The following RGPD2 variants were observed in gnomAD, a reference collection of about 807,000 sequenced individuals.
The protein encoded by RGPD2 is RANBP2-like and GRIP domain-containing protein 2.
In RGPD2, 2 loss-of-function variants were observed where a neutral mutation model predicts 36.0. The ratio of observed to expected loss-of-function variants is 0.06; its 90% confidence interval spans 0.02 to 0.17. The LOEUF is 0.17. Ranked by LOEUF, RGPD2 falls within the 10% of genes least tolerant of loss-of-function variation. The probability of loss-of-function intolerance (pLI) is 1.00; values close to 1 mark genes in which losing one functional copy is unlikely to be tolerated. For synonymous variants in RGPD2, 19 were observed against 163.8 expected (o/e 0.12, Z 6.75); for missense variants, 40 against 464.3 (o/e 0.09, Z 8.40).
At chr2:87,857,397 C>T in the RGPD2 span, among the ~76,000 whole-genome samples, 2 of 151,444 alleles carry the variant, frequency 1.3e-5, no homozygotes, top group Non-Finnish European at 2.9e-5. Flanking sequence ...GGCTGGGGTG[C>T]AGTGGTGCAA....
At chr2:87,847,438 T>G in the RGPD2 span, among the ~76,000 whole-genome samples, 1 of 151,814 alleles carries the variant, frequency 6.6e-6, no homozygotes, top group Non-Finnish European at 1.5e-5. Flanking sequence ...GATATTTCAG[T>G]GTAAAGTTGT....
At chr2:87,769,107 A>C (rs1449438019) in intron 22 of RGPD2, among the ~76,000 whole-genome samples, 4 of 90,790 alleles carry the variant, frequency 4.4e-5, no homozygotes, top group African/African-American at 1.6e-4. Flanking sequence ...AGCTGGGATT[A>C]CAGGCATGCA....
the RGPD2 span, among the ~76,000 whole-genome samples, chr2:87,986,379 C>T: frequency 0.61 from 87,993 of 143,780 alleles, 27,456 homozygotes; most frequent in East Asian, 0.82. Flanking sequence ...ATGATCCACC[C>T]GCCTTGGCCT....
chr2:87,890,223 CAA>C, the RGPD2 span, among the ~76,000 whole-genome samples: 1 of 108,908 alleles, frequency 9.2e-6, no homozygotes, highest in African/African-American at 4.5e-5. Flanking sequence ...ATACTTTTAA[CAA>C]TATATTTCAG....
chr2:87,864,332 T>C, the RGPD2 span, among the ~76,000 whole-genome samples: 1 of 152,284 alleles, frequency 6.6e-6, no homozygotes, highest in African/African-American at 2.4e-5. Context: ...GCTCTGGTTC[T>C]TAGGCCTTTG....
chr2:87,771,193 GTCT>G (rs1291790833), intron 22 of RGPD2, among the ~76,000 whole-genome samples: 2 of 642 alleles, frequency 3.1e-3, no homozygotes, highest in African/African-American at 0.014. Flanking sequence ...AGATTATAGC[GTCT>G]TCCTTGTGCT....
chr2:87,887,123 A>T, the RGPD2 span, among the ~76,000 whole-genome samples: 4 of 151,764 alleles, frequency 2.6e-5, no homozygotes, highest in Admixed American at 6.6e-5. Flanking sequence ...TTGAATATTT[A>T]AAAAAATGTT....
chr2:87,881,287 C>G, the RGPD2 span, among the ~76,000 whole-genome samples: 1 of 152,152 alleles, frequency 6.6e-6, no homozygotes, highest in Non-Finnish European at 1.5e-5. Context: ...AGGATGGTGG[C>G]TCCTTTCCCA....
chr2:87,975,111 T>C, the RGPD2 span, among the ~76,000 whole-genome samples: 18 of 152,310 alleles, frequency 1.2e-4, no homozygotes, highest in Non-Finnish European at 2.4e-4. Context: ...GGCTCATTCC[T>C]GGTCCAGGCT....
At chr2:87,883,444 A>T in the RGPD2 span, among the ~76,000 whole-genome samples, 1 of 152,168 alleles carries the variant, frequency 6.6e-6, no homozygotes, top group Admixed American at 6.5e-5. Flanking sequence ...ACAAAGTGGC[A>T]GTAGTAAATC....
chr2:87,836,718 T>G, the RGPD2 span, among the ~76,000 whole-genome samples: 1 of 151,656 alleles, frequency 6.6e-6, no homozygotes, highest in African/African-American at 2.4e-5. Context: ...ATAACAGAAT[T>G]AAATCCACAG....
chr2:87,861,438 A>G, the RGPD2 span, among the ~76,000 whole-genome samples: 1 of 151,982 alleles, frequency 6.6e-6, no homozygotes, highest in African/African-American at 2.4e-5. Flanking sequence ...TGGAACATTT[A>G]CTCTCTGATG....
the RGPD2 span, among the ~76,000 whole-genome samples, chr2:87,955,115 G>C: frequency 2.7e-5 from 1 of 36,634 alleles, no homozygotes; most frequent in African/African-American, 1.2e-4. Flanking sequence ...CTGGGTTCAC[G>C]CCATTCTCCT....
At chr2:87,924,652 T>C in the RGPD2 span, among the ~76,000 whole-genome samples, 73 of 151,432 alleles carry the variant, frequency 4.8e-4, no homozygotes, top group Middle Eastern at 3.2e-3. Context: ...GTCTGGCAAC[T>C]ACCTTGTCTG....
intron 7 of RGPD2, among the ~76,000 whole-genome samples, chr2:87,805,670 T>C (rs1416317814): frequency 3.3e-5 from 5 of 150,924 alleles, no homozygotes; most frequent in African/African-American, 4.9e-5. Flanking sequence ...CCATCCTGGC[T>C]AACACGGTGA....
the RGPD2 span, among the ~76,000 whole-genome samples, chr2:87,922,341 AT>A: frequency 4.0e-5 from 6 of 151,462 alleles, no homozygotes; most frequent in African/African-American, 1.2e-4. Flanking sequence ...GTTTATATGT[AT>A]AGTAACTAAC....
chr2:87,965,075 T>C, the RGPD2 span, among the ~76,000 whole-genome samples: 3 of 146,594 alleles, frequency 2.0e-5, no homozygotes, highest in African/African-American at 7.3e-5. Context: ...TTTGTGATTT[T>C]CTGTTTATCT....
chr2:87,972,089 C>T, the RGPD2 span, among the ~76,000 whole-genome samples: 1 of 151,886 alleles, frequency 6.6e-6, no homozygotes, highest in Non-Finnish European at 1.5e-5. Flanking sequence ...ATTTAAGATA[C>T]TAACATGCAA....
At chr2:87,894,701 T>C in the RGPD2 span, among the ~76,000 whole-genome samples, 2 of 148,086 alleles carry the variant, frequency 1.4e-5, no homozygotes, top group South Asian at 4.2e-4. Flanking sequence ...TTTTCAAGAA[T>C]AAGGAATGCG....
Sources: allele counts gnomAD v4.1 joint callset (sites outside exome capture counted in the v4.1 genomes callset), GRCh38; gene constraint gnomAD v4.1.1; transcripts MANE v1.5; gene names NCBI Gene and HGNC (gene_info 2026-07-23, HGNC 2026-07-21).